DIP2B: variants seen among roughly 807,000 people sequenced by gnomAD.
DIP2B encodes the protein DIP2 acetate--CoA ligase B (putative), also known as disco-interacting protein 2 homolog B.
DIP2B carries 76 observed loss-of-function variants against 198.0 expected under a neutral mutation model. That is an observed-to-expected ratio of 0.38 (90% confidence interval 0.32 to 0.46). DIP2B has a LOEUF of 0.46. DIP2B is among the 20% of genes least tolerant of loss of function. The pLI is 0.99. For missense variants in DIP2B, 1,559 were observed against 1,978.4 expected, an observed-to-expected ratio of 0.79 and a Z score of 4.02; for synonymous variants, 701 against 739.1, an observed-to-expected ratio of 0.95 and a Z score of 0.84.
chr12:50,587,446 G>A (rs1288521182), intron 1 of DIP2B, among the ~76,000 whole-genome samples: 1 of 152,094 alleles, frequency 6.6e-6, no homozygotes, highest in African/African-American at 2.4e-5. Context: ...GGATACCTGC[G>A]CTTACTAAAG....
At chr12:50,560,789 A>G (rs1958513429) in intron 1 of DIP2B, among the ~76,000 whole-genome samples, 1 of 151,944 alleles carries the variant, frequency 6.6e-6, no homozygotes, top group African/African-American at 2.4e-5. Flanking sequence ...TTCTCAAATT[A>G]TATTCTGATG....
intron 16 of DIP2B, among the ~76,000 whole-genome samples, chr12:50,696,208 C>T (rs937931907): frequency 6.6e-6 from 1 of 152,174 alleles, no homozygotes; most frequent in Admixed American, 6.5e-5. Flanking sequence ...TTTCCTCCTG[C>T]CCCAGCCCTA....
chr12:50,604,339 C>CA (rs1217841987), intron 1 of DIP2B, among the ~76,000 whole-genome samples: 2 of 152,140 alleles, frequency 1.3e-5, no homozygotes, highest in Non-Finnish European at 2.9e-5. Flanking sequence ...CTAACGTTGT[C>CA]AAGTGACTGT....
intron 1 of DIP2B, among the ~76,000 whole-genome samples, chr12:50,623,431 A>ACT (rs1937860241): frequency 1.5e-4 from 8 of 51,696 alleles, no homozygotes; most frequent in African/African-American, 5.6e-4. Flanking sequence ...ACACACACAC[A>ACT]CACACACTCT....
intron 1 of DIP2B, among the ~76,000 whole-genome samples, chr12:50,532,767 TA>T (rs1325558651): frequency 6.6e-6 from 1 of 152,098 alleles, no homozygotes; most frequent in Non-Finnish European, 1.5e-5. Context: ...GGAGTGTGGG[TA>T]ACCCCCTTTC....
intron 1 of DIP2B, among the ~76,000 whole-genome samples, chr12:50,518,914 A>G (rs921032242): frequency 4.6e-5 from 7 of 151,850 alleles, no homozygotes; most frequent in African/African-American, 1.5e-4. Flanking sequence ...CTAATTTTTT[A>G]TTTTTTGTAG....
At chr12:50,570,190 A>AATCTTGAT (rs1309004047) in intron 1 of DIP2B, among the ~76,000 whole-genome samples, 3 of 152,222 alleles carry the variant, frequency 2.0e-5, no homozygotes, top group African/African-American at 7.2e-5. Context: ...TCCGATTTAA[A>AATCTTGAT]ATCTTGATAT....
At chr12:50,683,504 G>A (rs771587663) in intron 10 of DIP2B, among the ~76,000 whole-genome samples, 8 of 152,130 alleles carry the variant, frequency 5.3e-5, no homozygotes, top group Non-Finnish European at 8.8e-5. Context: ...GGGCGAGGCC[G>A]GGCGCAGTGG....
chr12:50,735,757 C>T (rs1277975308), intron 34 of DIP2B, among the ~76,000 whole-genome samples: 2 of 152,184 alleles, frequency 1.3e-5, no homozygotes, highest in Non-Finnish European at 2.9e-5. Context: ...AGCCACTATG[C>T]CCGGCCCGGT....
chr12:50,728,250 G>A (rs139230636), intron 29 of DIP2B, among the ~76,000 whole-genome samples: 97 of 152,052 alleles, frequency 6.4e-4, no homozygotes, highest in Middle Eastern at 3.4e-3. Flanking sequence ...GTGGTGGTGC[G>A]TGCCTGTAAT....
At chr12:50,620,706 G>A (rs946021117) in intron 1 of DIP2B, among the ~76,000 whole-genome samples, 1 of 152,174 alleles carries the variant, frequency 6.6e-6, no homozygotes, top group Non-Finnish European at 1.5e-5. Flanking sequence ...GTATCATTAT[G>A]ATTCTCCTTT....
chr12:50,514,425 C>G (rs1281479186), intron 1 of DIP2B, among the ~76,000 whole-genome samples: 1 of 152,136 alleles, frequency 6.6e-6, no homozygotes, highest in Non-Finnish European at 1.5e-5. Flanking sequence ...CAGCTTCCCT[C>G]CCTAACACTT....
intron 16 of DIP2B, among the ~76,000 whole-genome samples, chr12:50,696,479 G>A (rs908616891): frequency 6.6e-6 from 1 of 151,850 alleles, no homozygotes. Flanking sequence ...ATTCTTTTTT[G>A]CTCATTCATG....
intron 1 of DIP2B, among the ~76,000 whole-genome samples, chr12:50,579,723 A>G (rs1221431909): frequency 2.4e-5 from 3 of 123,202 alleles, no homozygotes; most frequent in Non-Finnish European, 5.0e-5. Context: ...ATATATACAT[A>G]GCTTCATGGA....
intron 1 of DIP2B, 86 bp from the exon 2 acceptor site, chr12:50,625,890 T>G: frequency 7.0e-7 from 1 of 1,432,002 alleles, no homozygotes; most frequent in Non-Finnish European, 9.8e-7. Flanking sequence ...GGTAGTTCTA[T>G]AACTCTGTAA....
At chr12:50,547,673 AAGAGCT>A (rs1958389494) in intron 1 of DIP2B, among the ~76,000 whole-genome samples, 1 of 152,240 alleles carries the variant, frequency 6.6e-6, no homozygotes, top group African/African-American at 2.4e-5. Flanking sequence ...AGTCTACTAA[AAGAGCT>A]AGAGCTATAA....
rs1939279877 is a variant in DIP2B at position 50,694,699 on chromosome 12, C to G, written c.1720-568C>G. 1.4e-5 allele frequency among the ~76,000 whole-genome samples: 2 copies of G among 139,240 alleles called. 1 individual carries two copies. Among genetic ancestry groups the G allele is most frequent in the South Asian group, 4.9e-4 (2 of 4,108 alleles). The allele number at this position is 139,240 out of a possible 152,430, so 91.3% of individuals were successfully genotyped here. A position where few individuals can be genotyped will look rare whatever the true frequency, so the allele number is the denominator to read the frequency against. ...AAGCATATGCCATATGACAGCAGTA[C>G]TACATGTCCATATAGGGAAATACTT... On this transcript the variant is annotated intron_variant, in intron 14 of 37. Coordinates refer to ENST00000301180, the MANE Select transcript of DIP2B (RefSeq NM_173602.3).
intron 1 of DIP2B, among the ~76,000 whole-genome samples, chr12:50,625,629 C>T (rs1342835105): frequency 6.6e-6 from 1 of 152,120 alleles, no homozygotes; most frequent in East Asian, 1.9e-4. Context: ...ATTGAAACTC[C>T]AGAGAGAAAT....
At chr12:50,659,623 A>T (rs1215308065) in intron 3 of DIP2B, among the ~76,000 whole-genome samples, 1 of 152,110 alleles carries the variant, frequency 6.6e-6, no homozygotes, top group Non-Finnish European at 1.5e-5. Flanking sequence ...ACATTCAAGT[A>T]GAGAGCTGAA....
Sources: allele counts gnomAD v4.1 joint callset (sites outside exome capture counted in the v4.1 genomes callset), GRCh38; gene constraint gnomAD v4.1.1; transcripts MANE v1.5; gene names NCBI Gene and HGNC (gene_info 2026-07-23, HGNC 2026-07-21).